SAP130: variants seen among roughly 807,000 people sequenced by gnomAD.
SAP130 encodes the protein histone deacetylase complex subunit SAP130.
A neutral mutation model predicts 103.2 loss-of-function variants in SAP130; 16 were observed. The ratio of observed to expected loss-of-function variants is 0.16; its 90% CI spans 0.10 to 0.24. SAP130 has a LOEUF of 0.24. Among genes scored for constraint, SAP130 ranks in the 10% least tolerant of loss-of-function variants. The pLI is 1.00. For missense variants in SAP130, 990 were observed against 1,359.7 expected, an observed-to-expected ratio of 0.73 and a Z score of 4.28; for synonymous variants, 477 against 497.0, an observed-to-expected ratio of 0.96 and a Z score of 0.53.
In SAP130 at chr2:127,955,236, T is replaced by C; in HGVS notation, c.2172A>G (p.Pro724=). ...NNDQPTIAVP[P]TAQQPPPTIP... is the part of the protein sequence containing the mutation. ...TGGTCGGTGGGGGCTGCTGGGCAGT[T>C]GGAGGGACGGCAATGGTAGGCTGAT... Residue 724 remains proline (P), a synonymous_variant, in exon 16 of 21, where the codon CCA becomes CCG. Coordinates refer to ENST00000643581, the MANE Select transcript of SAP130 (RefSeq NM_001330301.2). This position sits in a 1 kb window ranked among gnomAD's most constrained non-coding sequence, Gnocchi z 4.9. 1 of 1,614,034 alleles carries C rather than the reference T, an allele frequency of 6.2e-7. No individual in the cohort carries two copies.
rs748660654 is a variant in SAP130 at position 127,999,787 on chromosome 2, G to C, written c.1167C>G (p.Ser389=). 1.2e-5 allele frequency: 18 copies of C among 1,534,414 alleles called. No homozygotes were observed. The highest frequency in any genetic ancestry group is 1.6e-5 in the Non-Finnish European group (18 of 1,144,068). ...TCACAGCAGTAGCATGGGAGGAATGGGAGGGTACTGTCATGGTAACAATGG... is the reference window on the plus strand; with the variant it reads ...TCACAGCAGTAGCATGGGAGGAATGCGAGGGTACTGTCATGGTAACAATGG... The part of the protein sequence containing the change: ...TSTIVTMTVP[S]HSSHATAVTT... Residue 389 remains serine (S), a synonymous_variant, in exon 10 of 21, where the codon TCC becomes TCG. Coordinates refer to ENST00000643581, the MANE Select transcript of SAP130 (RefSeq NM_001330301.2).
At chr2:127,973,931 T>C (rs1368921776) in intron 15 of SAP130, among the ~76,000 whole-genome samples, 1 of 152,010 alleles carries the variant, frequency 6.6e-6, no homozygotes, top group African/African-American at 2.4e-5. Flanking sequence ...AAAAATGAGC[T>C]GGGTATGGTG....
chr2:127,991,676 T>A (rs1351003387), intron 12 of SAP130, among the ~76,000 whole-genome samples: 3 of 152,232 alleles, frequency 2.0e-5, no homozygotes, highest in Non-Finnish European at 4.4e-5. Flanking sequence ...TTCTATATTA[T>A]GTCTTCAAAA....
At position 127,989,637 on chromosome 2, in the gene SAP130, G is replaced by A; in HGVS notation, c.1707C>T (p.Thr569=). 6.2e-7 allele frequency: 1 copy of A among 1,614,170 alleles called. No homozygotes were observed. Among genetic ancestry groups the A allele is most frequent in the South Asian group, 1.1e-5 (1 of 91,082 alleles). ...PLGTQGIHSA[T]PINTQGLQPA... is the part of the protein sequence containing the mutation. ...GCTGAAGCCCTTGTGTGTTGATTGG[G>A]GTTGCTGAGTGAATTCCCTGTGTGC... Residue 569 remains threonine, a synonymous_variant, in exon 13 of 21, where the codon ACC becomes ACT. Coordinates refer to ENST00000643581, the MANE Select transcript of SAP130 (RefSeq NM_001330301.2). The surrounding 1 kb of genome is among the most constrained non-coding windows in gnomAD (Gnocchi z 4.6).
chr2:127,999,427 C>T (rs942712497), intron 10 of SAP130, among the ~76,000 whole-genome samples: 2 of 151,960 alleles, frequency 1.3e-5, no homozygotes, highest in Non-Finnish European at 2.9e-5. Flanking sequence ...CGTAGCGAAA[C>T]CCCATCTCTA....
intron 14 of SAP130, among the ~76,000 whole-genome samples, chr2:127,981,759 A>G (rs1032773689): frequency 8.7e-5 from 4 of 46,216 alleles, no homozygotes; most frequent in African/African-American, 3.6e-4. Context: ...GTCCTCCTGC[A>G]CCCCGACTCA....
At chr2:127,977,963 C>T (rs776444030) in intron 15 of SAP130, 22 bp downstream of exon 15, 17 of 1,509,340 alleles carry the variant, frequency 1.1e-5, no homozygotes, top group African/African-American at 2.8e-5. Context: ...AGCAAGAGTG[C>T]GAAGAACACT....
intron 6 of SAP130, among the ~76,000 whole-genome samples, chr2:128,012,764 C>T (rs943919652): frequency 5.3e-5 from 8 of 151,812 alleles, no homozygotes; most frequent in African/African-American, 1.9e-4. Flanking sequence ...CTACAACCAT[C>T]ACTCCCTTCC....
chr2:128,006,067 C>CT (rs1252093689), intron 7 of SAP130, among the ~76,000 whole-genome samples: 1 of 151,074 alleles, frequency 6.6e-6, no homozygotes, highest in Non-Finnish European at 1.5e-5. Context: ...GGCAAAAAGA[C>CT]TAAGGCCTTT....
intron 6 of SAP130, among the ~76,000 whole-genome samples, chr2:128,011,016 G>A (rs1684354779): frequency 6.6e-6 from 1 of 150,566 alleles, no homozygotes; most frequent in Non-Finnish European, 1.5e-5. Context: ...AAATGTGATT[G>A]GAGTCAAAAT....
At chr2:127,999,223 A>G (rs1370404789) in intron 10 of SAP130, among the ~76,000 whole-genome samples, 2 of 152,152 alleles carry the variant, frequency 1.3e-5, no homozygotes, top group Admixed American at 1.3e-4. Flanking sequence ...TACTACCATT[A>G]TTCCAGAAAA....
intron 7 of SAP130, among the ~76,000 whole-genome samples, chr2:128,002,407 T>C (rs1683628113): frequency 6.6e-6 from 1 of 152,032 alleles, no homozygotes. Context: ...TACGTGCCTG[T>C]AGTCCCAACT....
chr2:127,978,171 G>C (rs1681610368), intron 14 of SAP130, 82 bp from the exon 15 acceptor site: 1 of 968,454 alleles, frequency 1.0e-6, no homozygotes, highest in African/African-American at 1.6e-5. Context: ...ACATTTGCCA[G>C]GCATACCTAG....
chr2:128,025,055 G>C (rs1321080474), intron 2 of SAP130, among the ~76,000 whole-genome samples: 6 of 146,484 alleles, frequency 4.1e-5, no homozygotes, highest in African/African-American at 7.6e-5. Context: ...TGAGTAGACA[G>C]TGGTATCATT....
chr2:127,968,166 T>C (rs1370513563), intron 15 of SAP130, among the ~76,000 whole-genome samples: 1 of 151,416 alleles, frequency 6.6e-6, no homozygotes, highest in African/African-American at 2.4e-5. Context: ...TGGAGTGCAA[T>C]GGCACCATCT....
chr2:127,986,649 T>TG lies in SAP130; in HGVS notation c.1958+135dup. 1.1e-6 allele frequency: 1 copy of TG among 917,396 alleles called. No homozygotes were observed. The highest frequency in any genetic ancestry group is 2.5e-5 in the East Asian group (1 of 39,710). The allele number at this position is 917,396 out of a possible 1,614,324, so 56.8% of individuals were successfully genotyped here. A position where few individuals can be genotyped will look rare whatever the true frequency, so the allele number is the denominator to read the frequency against. On this transcript the variant is annotated intron_variant, in intron 14 of 20. Transcript: ENST00000643581. This position sits in a 1 kb window ranked among gnomAD's most constrained non-coding sequence, Gnocchi z 4.7. ...CTACTGAATAATCCTGTGGTCAAGT[T>TG]GTTTTGGAGGAAATTTTAACACACC... is the stretch of plus-strand genomic sequence containing the variant.
chr2:127,970,930 T>G (rs1681040841), intron 15 of SAP130, among the ~76,000 whole-genome samples: 1 of 152,046 alleles, frequency 6.6e-6, no homozygotes, highest in East Asian at 1.9e-4. Context: ...CGATATGCTC[T>G]GTATGGTTTT....
In SAP130 at chr2:127,979,887, T is replaced by C. The variant is rs138913435; in HGVS notation, c.1959-1798A>G. Among the ~76,000 whole-genome samples, 25 of 151,868 alleles carry C rather than the reference T, an allele frequency of 1.6e-4. 1 individual carries two copies. The East Asian group carries it at 4.6e-3, about 28-fold the overall frequency. ...TATGTTCAAAATTTTTTTCTTTTTT[T>C]TTTTTTTTGAGACAGAGTCTCGCTC... On this transcript the variant is annotated intron_variant, in intron 14 of 20. Transcript: ENST00000643581.
chr2:127,967,191 A>T (rs1240111109), intron 15 of SAP130, among the ~76,000 whole-genome samples: 1 of 152,360 alleles, frequency 6.6e-6, no homozygotes, highest in Admixed American at 6.5e-5. Context: ...CTGTTGTGTG[A>T]CACCGTGCCT....
Sources: gnomAD v4.1 joint callset for allele counts (sites outside exome capture counted in the v4.1 genomes callset) on GRCh38, gnomAD v4.1.1 for gene constraint, Gnocchi (gnomAD v3.1) non-coding constraint, MANE v1.5 for transcripts, NCBI Gene and HGNC (gene_info 2026-07-23, HGNC 2026-07-21) for gene names.